The following PTPRK variants were observed in gnomAD, a reference collection of about 807,000 sequenced individuals.
PTPRK encodes the protein protein tyrosine phosphatase receptor type K.
Under a neutral mutation model 178.0 loss-of-function variants are expected in PTPRK, and 75 were observed. The ratio of observed to expected loss-of-function variants is 0.42; its 90% CI spans 0.35 to 0.51. PTPRK has a LOEUF of 0.51. PTPRK is among the 20% of genes least tolerant of loss of function. The pLI is 0.02. For missense variants in PTPRK, 1,441 were observed against 1,797.8 expected (o/e 0.80, Z 3.59); for synonymous variants, 637 against 620.6 (o/e 1.03, Z -0.39).
intron 3 of PTPRK, among the ~76,000 whole-genome samples, chr6:128,262,858 A>G (rs1468044584): frequency 8.8e-6 from 1 of 113,624 alleles, no homozygotes; most frequent in Non-Finnish European, 1.7e-5. Flanking sequence ...ACCAATAACC[A>G]AAAAAAAAAA....
intron 1 of PTPRK, among the ~76,000 whole-genome samples, chr6:128,408,727 C>G (rs909536135): frequency 2.0e-5 from 3 of 152,122 alleles, no homozygotes; most frequent in Non-Finnish European, 4.4e-5. Context: ...CTGCTAGAAG[C>G]AAAAGCAAAA....
chr6:128,381,661 A>T (rs900855723), intron 2 of PTPRK, among the ~76,000 whole-genome samples: 1 of 152,172 alleles, frequency 6.6e-6, no homozygotes, highest in Non-Finnish European at 1.5e-5. Context: ...TCACTGGTAC[A>T]ACAACATTTA....
At chr6:128,090,274 T>G (rs528830160) in intron 7 of PTPRK, among the ~76,000 whole-genome samples, 22 of 152,270 alleles carry the variant, frequency 1.4e-4, no homozygotes, top group African/African-American at 5.3e-4. Context: ...CGCCATGCAT[T>G]TATAGTTGTT....
At chr6:128,341,231 T>C (rs1185655882) in intron 2 of PTPRK, among the ~76,000 whole-genome samples, 3 of 152,038 alleles carry the variant, frequency 2.0e-5, no homozygotes, top group Non-Finnish European at 4.4e-5. Context: ...TGCCTCTGAA[T>C]TATTTCTCAA....
intron 2 of PTPRK, among the ~76,000 whole-genome samples, chr6:128,357,816 C>A (rs1032284542): frequency 7.2e-5 from 11 of 152,200 alleles, no homozygotes; most frequent in Non-Finnish European, 1.5e-5. Context: ...TTTATAAAAT[C>A]TCTGTCCAAA....
chr6:128,436,987 G>C (rs541262349), intron 1 of PTPRK, among the ~76,000 whole-genome samples: 31 of 152,164 alleles, frequency 2.0e-4, no homozygotes, highest in Non-Finnish European at 3.7e-4. Flanking sequence ...GGGAAATCTT[G>C]TGTTTTTAAT....
chr6:127,969,578 A>G lies in PTPRK; in HGVS notation c.*649T>C, dbSNP rs1335049368. On this transcript the variant is annotated 3_prime_UTR_variant, in exon 30 of 30. Coordinates refer to ENST00000368226, the MANE Select transcript of PTPRK (RefSeq NM_002844.4). ...GATGATTGTGTGGTGGTAGTATTTT[A>G]GCCATCAAAAAAGGAATGTAAGTAA... The G allele has an allele frequency of 6.6e-6, 1 of 152,198 alleles. No individual in the cohort carries two copies. Among genetic ancestry groups the G allele is most frequent in the Non-Finnish European group, 1.5e-5 (1 of 68,020 alleles). 9.4% of individuals were successfully genotyped at this position (152,198 alleles called of 1,614,324 possible). A position where few individuals can be genotyped will look rare whatever the true frequency, so the allele number is the denominator to read the frequency against.
chr6:128,181,847 A>G (rs1429366865), intron 7 of PTPRK, among the ~76,000 whole-genome samples: 1 of 152,116 alleles, frequency 6.6e-6, no homozygotes, highest in Non-Finnish European at 1.5e-5. Context: ...ATTATACTAT[A>G]TATCAATTAT....
At chr6:127,997,835 A>G (rs1562404829) in intron 16 of PTPRK, among the ~76,000 whole-genome samples, 1 of 152,152 alleles carries the variant, frequency 6.6e-6, no homozygotes, top group Admixed American at 6.5e-5. Context: ...TTTAAGGTAT[A>G]CAGGTAATCC....
chr6:128,132,711 C>T (rs903497365), intron 7 of PTPRK, among the ~76,000 whole-genome samples: 3 of 152,212 alleles, frequency 2.0e-5, no homozygotes, highest in African/African-American at 7.2e-5. Context: ...TCATAATATC[C>T]TCCACAAAAT....
chr6:128,347,598 T>G (rs906409321), intron 2 of PTPRK, among the ~76,000 whole-genome samples: 1 of 152,056 alleles, frequency 6.6e-6, no homozygotes, highest in Non-Finnish European at 1.5e-5. Context: ...AGTCCCCATG[T>G]GAGTATGTGT....
At chr6:128,340,898 G>C (rs936618110) in intron 2 of PTPRK, 4 of 342,398 alleles carry the variant, frequency 1.2e-5, no homozygotes, top group African/African-American at 8.9e-5. Flanking sequence ...CCACGCTTTT[G>C]ATAGACTAAT....
At chr6:128,504,407 G>A (rs1234945533) in intron 1 of PTPRK, among the ~76,000 whole-genome samples, 3 of 152,204 alleles carry the variant, frequency 2.0e-5, no homozygotes, top group Non-Finnish European at 4.4e-5. Context: ...AGCCAATGGT[G>A]TGCCAAATTG....
At position 127,973,628 on chromosome 6, in the gene PTPRK, G is replaced by A. The variant is rs377217085; in HGVS notation, c.4133+36C>T. ...TTGAAAATGAGAAAATAAGCACCAA[G>A]GCCCCATGAATGACAGGCTGAGCTG... On this transcript the variant is annotated intron_variant, in intron 28 of 29. Transcript: ENST00000368226. 156 of 1,606,692 alleles carry A rather than the reference G, an allele frequency of 9.7e-5. 1 individual carries two copies. In the African/African-American group the frequency reaches 1.8e-3, roughly 19 times the overall value.
At chr6:128,264,087 T>C (rs1287505621) in intron 3 of PTPRK, among the ~76,000 whole-genome samples, 1 of 152,118 alleles carries the variant, frequency 6.6e-6, no homozygotes, top group Non-Finnish European at 1.5e-5. Context: ...GCAGCAAAGC[T>C]AAAACATGAC....
At chr6:128,385,091 T>C (rs1301889680) in intron 2 of PTPRK, among the ~76,000 whole-genome samples, 1 of 148,010 alleles carries the variant, frequency 6.8e-6, no homozygotes, top group African/African-American at 2.5e-5. Context: ...ATAATTAATA[T>C]TATAAATATT....
intron 7 of PTPRK, among the ~76,000 whole-genome samples, chr6:128,167,164 AT>A (rs1314391987): frequency 6.6e-6 from 1 of 151,862 alleles, no homozygotes; most frequent in African/African-American, 2.4e-5. Flanking sequence ...AAAAAAAAAT[AT>A]TTTAACTGGT....
chr6:128,210,511 T>C (rs553871954), intron 6 of PTPRK, among the ~76,000 whole-genome samples: 19 of 152,118 alleles, frequency 1.2e-4, no homozygotes, highest in African/African-American at 4.6e-4. Flanking sequence ...AAAGCGTGCA[T>C]CTATTCAAGA....
chr6:128,425,002 T>C (rs577356140), intron 1 of PTPRK, among the ~76,000 whole-genome samples: 18 of 151,938 alleles, frequency 1.2e-4, no homozygotes, highest in Non-Finnish European at 1.8e-4. Context: ...ATTACATGAA[T>C]AAGTTCTTTA....
Sources: allele counts gnomAD v4.1 joint callset (sites outside exome capture counted in the v4.1 genomes callset), GRCh38; gene constraint gnomAD v4.1.1; transcripts MANE v1.5; gene names NCBI Gene and HGNC (gene_info 2026-07-23, HGNC 2026-07-21).